SEMA6D: variants seen among roughly 807,000 people sequenced by gnomAD.
The protein encoded by SEMA6D is semaphorin-6D.
SEMA6D carries 35 observed loss-of-function variants against 106.6 expected under a neutral mutation model. The observed-to-expected ratio is 0.33, with a 90% CI of 0.25 to 0.44. SEMA6D has a LOEUF of 0.44. Among genes scored for constraint, SEMA6D ranks in the 20% least tolerant of loss-of-function variants. The pLI is 1.00. For synonymous variants in SEMA6D, 499 were observed against 487.7 expected (o/e 1.02, Z -0.31); for missense variants, 1,185 against 1,345.9 (o/e 0.88, Z 1.87).
At chr15:47,649,146 G>A (rs181210510) in intron 4 of SEMA6D, among the ~76,000 whole-genome samples, 1 of 152,076 alleles carries the variant, frequency 6.6e-6, no homozygotes, top group Non-Finnish European at 1.5e-5. Context: ...GTTTATAATG[G>A]CATAAGGAAG....
At chr15:47,416,056 A>G (rs1018270173) in intron 2 of SEMA6D, among the ~76,000 whole-genome samples, 26 of 152,212 alleles carry the variant, frequency 1.7e-4, no homozygotes, top group African/African-American at 5.3e-4. Flanking sequence ...TGCCTGACAT[A>G]TGAAATACCA....
intron 1 of SEMA6D, among the ~76,000 whole-genome samples, chr15:47,314,370 G>A (rs948471536): frequency 4.0e-5 from 6 of 151,388 alleles, no homozygotes; most frequent in East Asian, 1.9e-4. Flanking sequence ...AGGCCGAGGC[G>A]GGCGGATCAC....
chr15:47,363,882 C>T (rs1456061866), intron 1 of SEMA6D, among the ~76,000 whole-genome samples: 1 of 152,124 alleles, frequency 6.6e-6, no homozygotes, highest in African/African-American at 2.4e-5. Flanking sequence ...GGGAAGCAGG[C>T]ACCTTCTTTA....
chr15:47,486,695 C>G (rs997421682), intron 3 of SEMA6D, among the ~76,000 whole-genome samples: 1 of 152,180 alleles, frequency 6.6e-6, no homozygotes, highest in South Asian at 2.1e-4. Flanking sequence ...GAATTGTTGA[C>G]CTTAGGAAAG....
intron 4 of SEMA6D, among the ~76,000 whole-genome samples, chr15:47,615,519 G>A (rs929717831): frequency 3.3e-5 from 5 of 151,984 alleles, no homozygotes; most frequent in African/African-American, 4.8e-5. Context: ...ATTTTTTTAC[G>A]AAACTGTCTT....
intron 4 of SEMA6D, among the ~76,000 whole-genome samples, chr15:47,657,983 G>A (rs776847946): frequency 1.3e-5 from 2 of 151,242 alleles, no homozygotes; most frequent in African/African-American, 4.9e-5. Context: ...CTCATGATCC[G>A]CCCACCTCGG....
intron 3 of SEMA6D, among the ~76,000 whole-genome samples, chr15:47,569,903 A>T (rs1316537048): frequency 7.2e-5 from 11 of 152,014 alleles, no homozygotes; most frequent in Admixed American, 6.6e-4. Flanking sequence ...TCTACTAAAA[A>T]TACAAAAATT....
rs2036986502 is a variant in SEMA6D, at chr15:47,323,061, C to G, written c.-238-89332C>G. On this transcript the variant is annotated intron_variant, in intron 1 of 19. Coordinates refer to the SEMA6D transcript ENST00000558014. Reference sequence around the variant, plus strand: ...CATATTTATCAACTCATATCATTTACTAGACTATTATAGCTGATAAATATA... The same window carrying G: ...CATATTTATCAACTCATATCATTTAGTAGACTATTATAGCTGATAAATATA... Among the ~76,000 whole-genome samples the G allele has an allele frequency of 2.0e-5, 3 of 152,184 alleles. No individual in the cohort carries two copies. In the South Asian group the frequency reaches 6.2e-4, roughly 32 times the overall value.
At position 47,197,755 on chromosome 15, in the gene SEMA6D, C is replaced by T. The variant is rs150983860; in HGVS notation, c.-239+13337C>T. 6.3e-3 allele frequency among the ~76,000 whole-genome samples: 952 copies of T among 152,146 alleles called. 13 individuals carry two copies. The highest frequency in any genetic ancestry group is 0.022 in the African/African-American group (906 of 41,508). On this transcript the variant is annotated intron_variant, in intron 1 of 19. Coordinates refer to the SEMA6D transcript ENST00000558014. ...ATTTATCAGAAATGTCTTGAAATGA[C>T]CTCTTGATATGGAGATCTGTATTCC... is the stretch of plus-strand genomic sequence containing the variant.
chr15:47,225,519 GTTTT>G (rs71118160), intron 1 of SEMA6D, among the ~76,000 whole-genome samples: 133 of 92,380 alleles, frequency 1.4e-3, no homozygotes, highest in African/African-American at 7.5e-3. Context: ...CTTGTTGAGG[GTTTT>G]TTTTTTTTTT....
intron 1 of SEMA6D, among the ~76,000 whole-genome samples, chr15:47,261,641 C>G (rs2034080012): frequency 6.6e-6 from 1 of 152,118 alleles, no homozygotes; most frequent in Admixed American, 6.6e-5. Context: ...CTAAAGGAAA[C>G]CTATACCCTT....
At chr15:47,688,585 CA>C (rs1345746962) in intron 4 of SEMA6D, among the ~76,000 whole-genome samples, 2 of 152,092 alleles carry the variant, frequency 1.3e-5, no homozygotes, top group African/African-American at 4.8e-5. Context: ...AGTAGGTTAA[CA>C]AACCTTTAAG....
intron 1 of SEMA6D, among the ~76,000 whole-genome samples, chr15:47,741,082 T>G (rs1251601674): frequency 1.3e-5 from 2 of 152,200 alleles, no homozygotes; most frequent in African/African-American, 2.4e-5. Flanking sequence ...AAAATCAAGC[T>G]AAAAAACTCT....
chr15:47,617,044 C>T (rs1378263069), intron 4 of SEMA6D, among the ~76,000 whole-genome samples: 1 of 152,180 alleles, frequency 6.6e-6, no homozygotes, highest in African/African-American at 2.4e-5. Context: ...CAGGCATGAT[C>T]GTTAGCAGGA....
At chr15:47,303,554 A>G (rs1240952682) in intron 1 of SEMA6D, among the ~76,000 whole-genome samples, 1 of 152,186 alleles carries the variant, frequency 6.6e-6, no homozygotes, top group Non-Finnish European at 1.5e-5. Flanking sequence ...AATGTCTGAC[A>G]TTAATTTTCT....
chr15:47,709,098 C>T (rs371516568), intron 4 of SEMA6D, among the ~76,000 whole-genome samples: 50 of 152,270 alleles, frequency 3.3e-4, no homozygotes, highest in African/African-American at 1.2e-3. Context: ...AGAGCACCTG[C>T]AGGGGATCAG....
intron 3 of SEMA6D, among the ~76,000 whole-genome samples, chr15:47,560,891 G>C (rs1186860808): frequency 2.0e-5 from 3 of 151,920 alleles, no homozygotes; most frequent in Non-Finnish European, 4.4e-5. Flanking sequence ...CAGAAGCCAG[G>C]GAAGGGGCAT....
At chr15:47,643,708 C>T (rs2666553) in intron 4 of SEMA6D, among the ~76,000 whole-genome samples, 12,072 of 152,186 alleles carry the variant, frequency 0.079, 700 homozygotes, top group East Asian at 0.23. Flanking sequence ...ATGATCAAAT[C>T]AGCATAATTA....
chr15:47,198,654 A>T (rs1241430653), intron 1 of SEMA6D, among the ~76,000 whole-genome samples: 1 of 152,130 alleles, frequency 6.6e-6, no homozygotes, highest in African/African-American at 2.4e-5. Flanking sequence ...CACACTTGCA[A>T]TTGGATGAGA....
Sources: allele counts gnomAD v4.1 joint callset (sites outside exome capture counted in the v4.1 genomes callset), GRCh38; gene constraint gnomAD v4.1.1; transcripts MANE v1.5; gene names NCBI Gene and HGNC (gene_info 2026-07-23, HGNC 2026-07-21).